GAREM1: variants seen among roughly 807,000 people sequenced by gnomAD.
GAREM1 encodes the protein GRB2-associated and regulator of MAPK protein 1.
Under a neutral mutation model 71.3 loss-of-function variants are expected in GAREM1, and 26 were observed. The observed-to-expected ratio is 0.36, with a 90% CI of 0.27 to 0.51. The LOEUF is 0.51. Among genes scored for constraint, GAREM1 ranks in the 20% least tolerant of loss-of-function variants. The probability of loss-of-function intolerance (pLI) is 0.95; values close to 1 mark genes in which losing one functional copy is unlikely to be tolerated. For missense variants in GAREM1, 1,026 were observed against 1,103.1 expected, an observed-to-expected ratio of 0.93 and a Z score of 0.99; for synonymous variants, 440 against 433.2, an observed-to-expected ratio of 1.02 and a Z score of -0.20.
intron 1 of GAREM1, among the ~76,000 whole-genome samples, chr18:32,407,399 C>T (rs1023661102): frequency 1.2e-4 from 19 of 152,188 alleles, no homozygotes; most frequent in Non-Finnish European, 1.0e-4. Context: ...CACCATTGCA[C>T]TCCAGCCTGG....
chr18:32,307,583 C>T (rs1248995576), intron 3 of GAREM1, among the ~76,000 whole-genome samples: 3 of 152,250 alleles, frequency 2.0e-5, no homozygotes, highest in South Asian at 2.1e-4. Flanking sequence ...AGTGCAATGG[C>T]GTGATCTCGG....
Position 32,364,015 on chromosome 18 carries a change from TATATATATATATG to T in GAREM1, c.262+28867_262+28879del, listed in dbSNP as rs1336988889. Among the ~76,000 whole-genome samples the T allele has an allele frequency of 6.6e-3, 428 of 64,436 alleles. 9 individuals are homozygous for T. The highest frequency in any genetic ancestry group is 0.029 in the African/African-American group (364 of 12,548). 42.3% of individuals were successfully genotyped at this position (64,436 alleles called of 152,430 possible). On this transcript the variant is annotated intron_variant, in intron 2 of 5. Coordinates refer to ENST00000269209, the MANE Select transcript of GAREM1 (RefSeq NM_001242409.2). ...ATATACATATATATATATATATATATATATATATATATGTTTTTTTTTTTTTTTTTTTTTTGTG... is the reference window on the plus strand; with the variant it reads ...ATATACATATATATATATATATATATTTTTTTTTTTTTTTTTTTTTTTGTG...
intron 2 of GAREM1, among the ~76,000 whole-genome samples, chr18:32,333,029 T>C (rs966287088): frequency 2.0e-4 from 30 of 150,504 alleles, no homozygotes; most frequent in African/African-American, 7.1e-4. Flanking sequence ...GAGATGATGA[T>C]AAAATAAAAA....
intron 2 of GAREM1, among the ~76,000 whole-genome samples, chr18:32,339,154 C>T (rs1366918792): frequency 1.3e-5 from 2 of 152,238 alleles, no homozygotes; most frequent in Non-Finnish European, 1.5e-5. Flanking sequence ...CTGCTGCCAA[C>T]TGGTTCTGTT....
At chr18:32,422,965 A>G (rs1397743736) in intron 1 of GAREM1, among the ~76,000 whole-genome samples, 3 of 152,238 alleles carry the variant, frequency 2.0e-5, no homozygotes, top group Non-Finnish European at 2.9e-5. Flanking sequence ...GGTCTCAAAC[A>G]TTATACCATC....
In GAREM1 at chr18:32,287,757, C is replaced by A; in HGVS notation, c.840G>T (p.Thr280=). Residue 280 remains threonine, a synonymous_variant, in exon 4 of 6, where the codon ACG becomes ACT. Coordinates refer to ENST00000269209, the MANE Select transcript of GAREM1 (RefSeq NM_001242409.2). The surrounding 1 kb of genome is among the most constrained non-coding windows in gnomAD (Gnocchi z 5.9). ...TCCGCAGCACACAGCAAACCACCAC[C>A]GTCTTGGTCTGGATGTTCACAAACT... ...RYKFVNIQTK[T]VVVCCVLRNN... is the part of the protein sequence containing the mutation. The A allele has an allele frequency of 6.2e-7, 1 of 1,613,562 alleles. No homozygotes were observed. Among genetic ancestry groups the A allele is most frequent in the Non-Finnish European group, 8.5e-7 (1 of 1,179,980 alleles).
At chr18:32,351,073 T>A (rs1416869347) in intron 2 of GAREM1, among the ~76,000 whole-genome samples, 1 of 152,180 alleles carries the variant, frequency 6.6e-6, no homozygotes, top group African/African-American at 2.4e-5. Flanking sequence ...GATTCCTCAA[T>A]TTCTAATTTT....
chr18:32,273,653 A>T (rs2041496565), intron 4 of GAREM1, among the ~76,000 whole-genome samples: 1 of 152,170 alleles, frequency 6.6e-6, no homozygotes, highest in Non-Finnish European at 1.5e-5. Flanking sequence ...TTTGAGACAC[A>T]TAGAGCTTTT....
intron 1 of GAREM1, among the ~76,000 whole-genome samples, chr18:32,444,940 C>A (rs375124339): frequency 6.6e-6 from 1 of 152,156 alleles, no homozygotes; most frequent in African/African-American, 2.4e-5. Flanking sequence ...TTCTTCAAGA[C>A]TCAGCATAGG....
chr18:32,292,626 G>C (rs2047098536), intron 3 of GAREM1, among the ~76,000 whole-genome samples: 1 of 152,070 alleles, frequency 6.6e-6, no homozygotes, highest in African/African-American at 2.4e-5. Context: ...GAGATATCAT[G>C]GTTTTATAAG....
At chr18:32,412,572 A>G (rs1417673708) in intron 1 of GAREM1, 1 of 1,590,936 alleles carries the variant, frequency 6.3e-7, no homozygotes, top group African/African-American at 1.3e-5. Flanking sequence ...ACCACCACCA[A>G]AGTTTCCAGA....
chr18:32,470,171 G>T lies in GAREM1; in HGVS notation c.121+137C>A. On this transcript the variant is annotated intron_variant, in intron 1 of 5. Coordinates refer to ENST00000269209, the MANE Select transcript of GAREM1 (RefSeq NM_001242409.2). The surrounding 1 kb of genome is among the most constrained non-coding windows in gnomAD (Gnocchi z 4.4). The stretch of plus-strand genomic sequence containing the variant: ...AGAGCAACGCGCCAGGGCTGCGGCA[G>T]CCGCTCGGGCCAACTCCGGCGCTCA... 1 of 1,129,410 alleles carries T rather than the reference G, an allele frequency of 8.9e-7. No homozygotes were observed. The highest frequency in any genetic ancestry group is 1.1e-6 in the Non-Finnish European group (1 of 879,666). 70.0% of individuals were successfully genotyped at this position (1,129,410 alleles called of 1,614,324 possible). A position where few individuals can be genotyped will look rare whatever the true frequency, so the allele number is the denominator to read the frequency against.
intron 3 of GAREM1, among the ~76,000 whole-genome samples, chr18:32,307,591 C>T (rs183404012): frequency 2.4e-4 from 37 of 152,234 alleles, no homozygotes; most frequent in East Asian, 5.8e-4. Flanking sequence ...GGCGTGATCT[C>T]GGCTCACCGC....
chr18:32,268,896 C>G, intron 5 of GAREM1, 128 bp from the exon 6 acceptor site: 1 of 680,580 alleles, frequency 1.5e-6, no homozygotes. Flanking sequence ...AAAATTCCTG[C>G]TAACTTCACT....
intron 2 of GAREM1, among the ~76,000 whole-genome samples, chr18:32,331,174 T>C (rs1490841522): frequency 6.6e-6 from 1 of 152,178 alleles, no homozygotes; most frequent in East Asian, 1.9e-4. Flanking sequence ...TCAAAAACAT[T>C]TCTCCCTCAT....
At chr18:32,271,889 A>AG (rs1194973760) in intron 4 of GAREM1, among the ~76,000 whole-genome samples, 1 of 152,192 alleles carries the variant, frequency 6.6e-6, no homozygotes, top group Admixed American at 6.5e-5. Flanking sequence ...GTCAGGCAGC[A>AG]GGGGGCAGTT....
chr18:32,426,510 A>G (rs1225021704), intron 1 of GAREM1, among the ~76,000 whole-genome samples: 1 of 152,198 alleles, frequency 6.6e-6, no homozygotes, highest in African/African-American at 2.4e-5. Context: ...GCCTCACTCT[A>G]TTATATACAG....
At chr18:32,335,284 G>A (rs1481103753) in intron 2 of GAREM1, among the ~76,000 whole-genome samples, 1 of 152,172 alleles carries the variant, frequency 6.6e-6, no homozygotes, top group East Asian at 1.9e-4. Context: ...AGACCTTAAA[G>A]GCAATGTAAT....
At chr18:32,408,935 C>T (rs2048390982) in intron 1 of GAREM1, among the ~76,000 whole-genome samples, 1 of 152,184 alleles carries the variant, frequency 6.6e-6, no homozygotes, top group South Asian at 2.1e-4. Context: ...ACTTCTAATT[C>T]CTATATTGAC....
Sources: gnomAD v4.1 joint callset for allele counts (sites outside exome capture counted in the v4.1 genomes callset) on GRCh38, gnomAD v4.1.1 for gene constraint, Gnocchi (gnomAD v3.1) non-coding constraint, MANE v1.5 for transcripts, NCBI Gene and HGNC (gene_info 2026-07-23, HGNC 2026-07-21) for gene names.